Variants in MGRN1 observed in about 807,000 individuals in gnomAD.
The protein encoded by MGRN1 is mahogunin ring finger 1, also known as E3 ubiquitin-protein ligase MGRN1.
MGRN1 carries 29 observed loss-of-function variants against 69.2 expected under a neutral mutation model. The observed-to-expected ratio is 0.42, with a 90% confidence interval of 0.31 to 0.57. MGRN1 has a LOEUF of 0.57. MGRN1 is among the 20% of genes least tolerant of loss of function. MGRN1 has a pLI of 0.15. For synonymous variants in MGRN1, 470 were observed against 344.2 expected (o/e 1.37, Z -4.04); for missense variants, 998 against 796.2 (o/e 1.25, Z -3.05).
rs3747587 is a variant in MGRN1 at position 4,624,953 on chromosome 16, C to G, written c.-8C>G. The G allele has an allele frequency of 0.79, 1,215,259 of 1,537,956 alleles. 490,457 individuals are homozygous for G. Among genetic ancestry groups the G allele is most frequent in the East Asian group, 0.9 (32,626 of 36,242 alleles). On this transcript the variant is annotated 5_prime_UTR_variant, in exon 1 of 17. Coordinates refer to ENST00000262370, the MANE Select transcript of MGRN1 (RefSeq NM_015246.4). ...CCCTGGCCCCTCTGCCCGGCAGCGC[C>G]GCGCACCATGGGCTCCATTCTCAGC...
In MGRN1 at chr16:4,664,983, T is replaced by G. The variant is rs755468797; in HGVS notation, c.629-119T>G. On this transcript the variant is annotated intron_variant, in intron 6 of 16. Coordinates refer to ENST00000262370, the MANE Select transcript of MGRN1 (RefSeq NM_015246.4). ...GCAGGTCCCAGAACAGGCTCAGGAC[T>G]CTATGGACTCTGTGCAGGCTGAGCC... The G allele has an allele frequency of 4.7e-6, 6 of 1,273,284 alleles. No individual in the cohort carries two copies. The Admixed American group carries it at 1.1e-4, about 24-fold the overall frequency. The allele number at this position is 1,273,284 out of a possible 1,614,324, so 78.9% of individuals were successfully genotyped here.
intron 1 of MGRN1, among the ~76,000 whole-genome samples, chr16:4,635,257 CA>C (rs1042030206): frequency 5.4e-4 from 78 of 145,004 alleles, no homozygotes; most frequent in East Asian, 1.6e-3. Context: ...ACTAAAAATC[CA>C]AAAAAAAAAA....
intron 5 of MGRN1, among the ~76,000 whole-genome samples, chr16:4,660,024 A>G (rs1021091881): frequency 3.3e-5 from 5 of 152,188 alleles, no homozygotes; most frequent in African/African-American, 1.2e-4. Flanking sequence ...GACCTGGAGT[A>G]GGAGGGAGAC....
chr16:4,687,285 C>G, intron 16 of MGRN1: 1 of 985,240 alleles, frequency 1.0e-6, no homozygotes, highest in Non-Finnish European at 1.2e-6. Context: ...GGCAGTGGTT[C>G]GCACCTATAA....
At chr16:4,669,846 G>T (rs1445340611) in intron 8 of MGRN1, among the ~76,000 whole-genome samples, 3 of 152,098 alleles carry the variant, frequency 2.0e-5, no homozygotes, top group Non-Finnish European at 2.9e-5. Context: ...GCATTGGGAA[G>T]TGTTATTCCT....
intron 1 of MGRN1, among the ~76,000 whole-genome samples, chr16:4,645,089 C>T (rs370023808): frequency 1.4e-5 from 2 of 139,932 alleles, no homozygotes; most frequent in African/African-American, 2.7e-5. Flanking sequence ...ATTTGTTTCT[C>T]TGAAGTTATT....
intron 1 of MGRN1, among the ~76,000 whole-genome samples, chr16:4,628,071 C>T (rs1288330192): frequency 1.5e-5 from 2 of 131,444 alleles, no homozygotes; most frequent in Admixed American, 8.1e-5. Flanking sequence ...CAGAGTGAGA[C>T]TCCGTCTCAA....
intron 16 of MGRN1, chr16:4,688,314 C>G (rs954981129): frequency 1.0e-6 from 1 of 987,422 alleles, no homozygotes; most frequent in Non-Finnish European, 1.2e-6. Context: ...GTGGGAGGCT[C>G]CTCTCTTTGC....
intron 11 of MGRN1, among the ~76,000 whole-genome samples, chr16:4,678,920 A>C (rs2079115114): frequency 1.3e-5 from 2 of 152,244 alleles, no homozygotes; most frequent in African/African-American, 4.8e-5. Flanking sequence ...CAGCAGGTGC[A>C]ATGTTTCTGA....
At chr16:4,668,662 TCA>T (rs1269666333) in intron 8 of MGRN1, among the ~76,000 whole-genome samples, 22 of 150,778 alleles carry the variant, frequency 1.5e-4, no homozygotes, top group African/African-American at 4.4e-4. Context: ...ATATACTCAG[TCA>T]CACACATATA....
At chr16:4,667,726 G>A (rs1461736492) in intron 7 of MGRN1, among the ~76,000 whole-genome samples, 5 of 152,214 alleles carry the variant, frequency 3.3e-5, no homozygotes, top group Middle Eastern at 3.2e-3. Context: ...AACTCTGAGC[G>A]GTGGTGTGTT....
intron 8 of MGRN1, among the ~76,000 whole-genome samples, chr16:4,668,578 C>T (rs183092124): frequency 0.014 from 2,146 of 151,554 alleles, 35 homozygotes; most frequent in Middle Eastern, 0.037. Context: ...CACACTCATA[C>T]AGACACGACA....
intron 1 of MGRN1, among the ~76,000 whole-genome samples, chr16:4,642,374 G>GGT (rs1567179576): frequency 6.6e-6 from 1 of 151,624 alleles, no homozygotes; most frequent in African/African-American, 2.4e-5. Context: ...CTCCGCTCAC[G>GGT]GTAACCTTCG....
At chr16:4,645,781 T>G (rs918673281) in intron 1 of MGRN1, among the ~76,000 whole-genome samples, 1 of 152,134 alleles carries the variant, frequency 6.6e-6, no homozygotes, top group African/African-American at 2.4e-5. Context: ...CGGAGGCTAC[T>G]GGGACCTGCC....
intron 14 of MGRN1, 83 bp downstream of exon 14, chr16:4,683,029 C>A (rs2079224326): frequency 6.7e-7 from 1 of 1,482,426 alleles, no homozygotes; most frequent in East Asian, 2.4e-5. Flanking sequence ...GACCCCATCC[C>A]ACTGCCCGCC....
chr16:4,682,764 G>GTAA, intron 13 of MGRN1, 59 bp from the exon 14 acceptor site: 2 of 1,457,408 alleles, frequency 1.4e-6, no homozygotes, highest in Non-Finnish European at 1.8e-6. Context: ...GGCTTTGGCA[G>GTAA]GGTTAGCCTT....
rs533974886 is a variant in MGRN1 at position 4,679,981 on chromosome 16, A to G, written c.1066-51A>G. ...CAGTCAGACCTGTCCAGCCCACTCC[A>G]GGGCCGCGTGGGGGTGGTAGTTGTA... On this transcript the variant is annotated intron_variant, in intron 11 of 16. Coordinates refer to ENST00000262370, the MANE Select transcript of MGRN1 (RefSeq NM_015246.4). The G allele has an allele frequency of 9.0e-6, 14 of 1,563,986 alleles. No individual in the cohort carries two copies. The African/African-American group carries it at 1.2e-4, about 14-fold the overall frequency.
chr16:4,641,022 T>G (rs1056230669), intron 1 of MGRN1, among the ~76,000 whole-genome samples: 57 of 152,368 alleles, frequency 3.7e-4, no homozygotes, highest in Non-Finnish European at 1.0e-4. Flanking sequence ...AGGGAGAGCC[T>G]GGTGGGTGTG....
At chr16:4,654,644 T>G (rs1268816210) in intron 4 of MGRN1, among the ~76,000 whole-genome samples, 2 of 152,234 alleles carry the variant, frequency 1.3e-5, no homozygotes, top group Non-Finnish European at 2.9e-5. Flanking sequence ...TGGGGGCACA[T>G]GACTGCTTGT....
Sources: allele counts gnomAD v4.1 joint callset (sites outside exome capture counted in the v4.1 genomes callset), GRCh38; gene constraint gnomAD v4.1.1; transcripts MANE v1.5; gene names NCBI Gene and HGNC (gene_info 2026-07-23, HGNC 2026-07-21).